ASTN2: variants seen among roughly 807,000 people sequenced by gnomAD.
ASTN2 encodes astrotactin-2.
ASTN2 carries 54 observed loss-of-function variants against 139.8 expected under a neutral mutation model. The ratio of observed to expected loss-of-function variants is 0.39; its 90% CI spans 0.31 to 0.48. ASTN2 has a LOEUF of 0.48. ASTN2 is among the 20% of genes least tolerant of loss of function. The pLI, the probability that ASTN2 is intolerant of heterozygous loss-of-function variation, is 0.95. For missense variants in ASTN2, 1,565 were observed against 1,725.1 expected (o/e 0.91, Z 1.64); for synonymous variants, 756 against 719.5 (o/e 1.05, Z -0.81).
At chr9:117,235,645 G>T (rs1833023851) in intron 2 of ASTN2, among the ~76,000 whole-genome samples, 1 of 152,208 alleles carries the variant, frequency 6.6e-6, no homozygotes, top group African/African-American at 2.4e-5. Flanking sequence ...CATTTGAGCA[G>T]CTCTGTATCA....
At chr9:116,571,451 A>G (rs1853509346) in intron 19 of ASTN2, among the ~76,000 whole-genome samples, 1 of 152,104 alleles carries the variant, frequency 6.6e-6, no homozygotes, top group Non-Finnish European at 1.5e-5. Context: ...TCTTTTAGAA[A>G]CATTTACTGA....
chr9:116,634,598 A>C (rs1278210323), intron 17 of ASTN2, among the ~76,000 whole-genome samples: 1 of 38,034 alleles, frequency 2.6e-5, no homozygotes, highest in African/African-American at 6.4e-5. Flanking sequence ...TCAAAAAAAA[A>C]AAAAAAAAAA....
chr9:116,693,796 G>A (rs1328256943), intron 16 of ASTN2, among the ~76,000 whole-genome samples: 1 of 152,178 alleles, frequency 6.6e-6, no homozygotes, highest in Non-Finnish European at 1.5e-5. Flanking sequence ...CCTTTTATTT[G>A]TGTAGTCTTT....
At chr9:116,549,759 T>G (rs1432476193) in intron 19 of ASTN2, among the ~76,000 whole-genome samples, 2 of 152,106 alleles carry the variant, frequency 1.3e-5, no homozygotes, top group Non-Finnish European at 2.9e-5. Context: ...TGATGCCCAT[T>G]TCCACTGGAG....
At chr9:116,673,829 G>T (rs1338405580) in intron 16 of ASTN2, among the ~76,000 whole-genome samples, 1 of 152,152 alleles carries the variant, frequency 6.6e-6, no homozygotes, top group East Asian at 1.9e-4. Context: ...AAGCCACCTA[G>T]CTTGTGGTAC....
chr9:117,182,243 A>T (rs952924472), intron 3 of ASTN2, among the ~76,000 whole-genome samples: 1 of 149,930 alleles, frequency 6.7e-6, no homozygotes, highest in Non-Finnish European at 1.5e-5. Context: ...CAAAAAAAAA[A>T]AAATAATAAG....
intron 16 of ASTN2, among the ~76,000 whole-genome samples, chr9:116,679,577 G>C (rs545250604): frequency 2.2e-4 from 33 of 151,904 alleles, no homozygotes; most frequent in Non-Finnish European, 4.0e-4. Context: ...TTCAAGTGTG[G>C]CTGCCCTCAC....
At chr9:117,192,731 A>G (rs1831380932) in intron 3 of ASTN2, among the ~76,000 whole-genome samples, 1 of 152,222 alleles carries the variant, frequency 6.6e-6, no homozygotes, top group African/African-American at 2.4e-5. Flanking sequence ...AGGGATAAAT[A>G]CAGTGTGGCA....
chr9:116,904,421 G>A (rs1460701096), intron 10 of ASTN2, among the ~76,000 whole-genome samples: 1 of 152,192 alleles, frequency 6.6e-6, no homozygotes, highest in Non-Finnish European at 1.5e-5. Flanking sequence ...TCATATTTAA[G>A]AGGCTGTACT....
intron 19 of ASTN2, among the ~76,000 whole-genome samples, chr9:116,521,219 G>A (rs1354823344): frequency 6.6e-6 from 1 of 151,952 alleles, no homozygotes. Context: ...AACAAATCTG[G>A]AGACATCACA....
intron 1 of ASTN2, among the ~76,000 whole-genome samples, chr9:117,352,811 C>A (rs1030763214): frequency 2.0e-5 from 3 of 152,076 alleles, no homozygotes; most frequent in African/African-American, 7.2e-5. Flanking sequence ...TATACACATA[C>A]AATGGAATAC....
chr9:116,999,853 C>A (rs1460284930), intron 7 of ASTN2, among the ~76,000 whole-genome samples: 1 of 152,032 alleles, frequency 6.6e-6, no homozygotes, highest in African/African-American at 2.4e-5. Flanking sequence ...AGCCACCATG[C>A]CTGGCCAGTA....
At chr9:117,159,530 T>C (rs1014891751) in intron 3 of ASTN2, among the ~76,000 whole-genome samples, 1 of 151,982 alleles carries the variant, frequency 6.6e-6, no homozygotes, top group African/African-American at 2.4e-5. Flanking sequence ...AACCAGGAAG[T>C]GTGCTAAAGA....
At chr9:116,753,289 C>T (rs1829447709) in intron 13 of ASTN2, among the ~76,000 whole-genome samples, 1 of 152,170 alleles carries the variant, frequency 6.6e-6, no homozygotes, top group Non-Finnish European at 1.5e-5. Context: ...CTACATAACA[C>T]TGTGGAAAAG....
intron 13 of ASTN2, among the ~76,000 whole-genome samples, chr9:116,768,325 C>G (rs1372085577): frequency 6.6e-6 from 1 of 151,768 alleles, no homozygotes; most frequent in Admixed American, 6.6e-5. Flanking sequence ...CCATCTTTCT[C>G]TTACTCTTAG....
At chr9:116,714,799 G>GTTTTTCCAGCTATTCCCCTGGTATCT (rs1346725095) in intron 16 of ASTN2, among the ~76,000 whole-genome samples, 1 of 3,634 alleles carries the variant, frequency 2.8e-4, no homozygotes, top group South Asian at 0.011. Context: ...ATCATGTGAG[G>GTTTTTCCAGCTATTCCCCTGGTATCT]CCGGGCGCGG....
rs1835544131 is a variant in ASTN2, at chr9:116,951,078, C to T, written c.1889+24130G>A. ...CTAGGCCATATGTGATGGCTCACGC[C>T]TGTAGCCCCAGCACTTTGGGAGGCT... is the stretch of plus-strand genomic sequence containing the variant. On this transcript the variant is annotated intron_variant, in intron 10 of 22. Coordinates refer to ENST00000313400, the MANE Select transcript of ASTN2 (RefSeq NM_001365068.1). Among the ~76,000 whole-genome samples the T allele has an allele frequency of 2.0e-5, 3 of 152,134 alleles. No individual in the cohort carries two copies. In the South Asian group the frequency reaches 6.2e-4, roughly 32 times the overall value.
chr9:117,016,624 C>CTATATATA (rs1175306157), intron 6 of ASTN2, among the ~76,000 whole-genome samples: 6 of 20,000 alleles, frequency 3.0e-4, no homozygotes, highest in African/African-American at 1.4e-3. Flanking sequence ...ATCTATCTAT[C>CTATATATA]TATATATATA....
At position 116,869,491 on chromosome 9, in the gene ASTN2, A is replaced by G. The variant is rs149600833; in HGVS notation, c.1890-5758T>C. 4.1e-3 allele frequency among the ~76,000 whole-genome samples: 630 copies of G among 152,288 alleles called. 2 individuals carry two copies. The highest frequency in any genetic ancestry group is 7.4e-3 in the Non-Finnish European group (504 of 68,026). On this transcript the variant is annotated intron_variant, in intron 10 of 22. Transcript: ENST00000313400. Reference sequence around the variant, plus strand: ...TCTCACTCTAGACACTTCATGTTTCATTGTGGTCCTTACAAGGTTTGAAAA... The same window carrying G: ...TCTCACTCTAGACACTTCATGTTTCGTTGTGGTCCTTACAAGGTTTGAAAA...
Sources: gnomAD v4.1 joint callset for allele counts (sites outside exome capture counted in the v4.1 genomes callset) on GRCh38, gnomAD v4.1.1 for gene constraint, MANE v1.5 for transcripts, NCBI Gene and HGNC (gene_info 2026-07-23, HGNC 2026-07-21) for gene names.